CDH18: variants seen among roughly 807,000 people sequenced by gnomAD.
CDH18 encodes the protein cadherin-18.
In CDH18, 31 loss-of-function variants were observed where a neutral mutation model predicts 67.9. That is an observed-to-expected ratio of 0.46 (90% CI 0.34 to 0.62). CDH18 has a LOEUF of 0.62. Among genes scored for constraint, CDH18 ranks in the 20% least tolerant of loss-of-function variants. The pLI is 0.01. For missense variants in CDH18, 890 were observed against 975.5 expected, an observed-to-expected ratio of 0.91 and a Z score of 1.17; for synonymous variants, 362 against 347.2, an observed-to-expected ratio of 1.04 and a Z score of -0.48.
intron 9 of CDH18, among the ~76,000 whole-genome samples, chr5:19,534,049 A>G (rs1344843291): frequency 6.6e-6 from 1 of 152,178 alleles, no homozygotes; most frequent in Non-Finnish European, 1.5e-5. Context: ...CAATTAATAA[A>G]TCATCAAATG....
intron 5 of CDH18, among the ~76,000 whole-genome samples, chr5:19,634,958 A>G (rs1167256514): frequency 2.0e-5 from 3 of 150,408 alleles, no homozygotes; most frequent in African/African-American, 7.3e-5. Flanking sequence ...AAAAAGAAAG[A>G]AAAAAAAGAA....
intron 1 of CDH18, among the ~76,000 whole-genome samples, chr5:20,410,881 A>C (rs1052326745): frequency 2.0e-5 from 3 of 151,854 alleles, no homozygotes; most frequent in Non-Finnish European, 4.4e-5. Context: ...AATACTTAAG[A>C]ATAAAGTTAA....
intron 10 of CDH18, among the ~76,000 whole-genome samples, chr5:19,508,092 TCTGA>T (rs1744509787): frequency 6.6e-6 from 1 of 151,944 alleles, no homozygotes; most frequent in East Asian, 1.9e-4. Context: ...AGAATGTCAG[TCTGA>T]CTTTGTCCAA....
At chr5:19,811,531 G>T (rs1019791567) in intron 3 of CDH18, among the ~76,000 whole-genome samples, 9 of 150,028 alleles carry the variant, frequency 6.0e-5, no homozygotes, top group African/African-American at 1.7e-4. Context: ...CCCAAACCGT[G>T]AGACAATAAT....
At chr5:20,292,769 G>C (rs909847397) in intron 1 of CDH18, among the ~76,000 whole-genome samples, 19 of 151,996 alleles carry the variant, frequency 1.3e-4, no homozygotes, top group Admixed American at 3.3e-4. Flanking sequence ...TCATCACATG[G>C]CATTCTTCTT....
chr5:19,682,671 CT>C (rs1238768571), intron 5 of CDH18, among the ~76,000 whole-genome samples: 2 of 152,050 alleles, frequency 1.3e-5, no homozygotes, highest in African/African-American at 4.8e-5. Flanking sequence ...TGTTGTTGGT[CT>C]TTTCAATTCT....
At chr5:19,795,615 C>G (rs1369696616) in intron 3 of CDH18, among the ~76,000 whole-genome samples, 4 of 152,078 alleles carry the variant, frequency 2.6e-5, no homozygotes, top group Non-Finnish European at 4.4e-5. Context: ...TTAAAATAGA[C>G]TTTAACAAGA....
intron 2 of CDH18, among the ~76,000 whole-genome samples, chr5:19,854,647 G>A (rs1490968398): frequency 6.6e-6 from 1 of 152,060 alleles, no homozygotes. Context: ...GGATTACAGT[G>A]GGTCCATGTA....
At chr5:20,003,166 G>GT (rs1219039049) in intron 2 of CDH18, among the ~76,000 whole-genome samples, 1 of 152,114 alleles carries the variant, frequency 6.6e-6, no homozygotes, top group Non-Finnish European at 1.5e-5. Context: ...ATTAAAACCA[G>GT]TTAGGAGAGT....
chr5:19,956,029 C>T (rs1335511524), intron 2 of CDH18, among the ~76,000 whole-genome samples: 1 of 151,946 alleles, frequency 6.6e-6, no homozygotes, highest in Non-Finnish European at 1.5e-5. Flanking sequence ...AAGGGGCTAC[C>T]TTAGAACAAC....
chr5:20,176,809 G>C (rs111593403), intron 2 of CDH18, among the ~76,000 whole-genome samples: 2 of 152,022 alleles, frequency 1.3e-5, no homozygotes, highest in African/African-American at 4.8e-5. Flanking sequence ...AGTTTAGAAG[G>C]ACCCTATCTC....
intron 2 of CDH18, among the ~76,000 whole-genome samples, chr5:20,139,397 T>C (rs961652778): frequency 2.6e-5 from 4 of 152,168 alleles, no homozygotes; most frequent in Non-Finnish European, 4.4e-5. Context: ...ATTCAGGACA[T>C]AGGCATGGGC....
chr5:20,549,879 A>G (rs1757539643), intron 1 of CDH18, among the ~76,000 whole-genome samples: 2 of 152,176 alleles, frequency 1.3e-5, no homozygotes. Context: ...ACTTCTTTTC[A>G]AAGAAAAGTA....
chr5:19,920,938 G>A (rs1037124754), intron 2 of CDH18, among the ~76,000 whole-genome samples: 1 of 139,200 alleles, frequency 7.2e-6, no homozygotes. Context: ...CAGGGGGATA[G>A]AGTACATGAT....
intron 5 of CDH18, among the ~76,000 whole-genome samples, chr5:19,674,934 T>C (rs1759258615): frequency 6.6e-6 from 1 of 152,030 alleles, no homozygotes; most frequent in Non-Finnish European, 1.5e-5. Context: ...TCACGGGAAA[T>C]TCAGCCCCCA....
At chr5:20,307,104 G>A (rs1027571231) in intron 1 of CDH18, among the ~76,000 whole-genome samples, 10 of 152,124 alleles carry the variant, frequency 6.6e-5, no homozygotes, top group Non-Finnish European at 1.5e-4. Flanking sequence ...GCTTAGATGG[G>A]ATAAATTATA....
At chr5:20,163,013 C>T (rs961397336) in intron 2 of CDH18, among the ~76,000 whole-genome samples, 5 of 151,944 alleles carry the variant, frequency 3.3e-5, no homozygotes, top group Non-Finnish European at 7.4e-5. Context: ...GAGCTGAGAT[C>T]GCGCCAGTGC....
At chr5:19,792,685 C>T (rs1001178090) in intron 3 of CDH18, among the ~76,000 whole-genome samples, 2 of 152,030 alleles carry the variant, frequency 1.3e-5, no homozygotes, top group African/African-American at 4.8e-5. Context: ...TGTCATTGCA[C>T]CAAAGCAATC....
chr5:20,521,369 C>G (rs1467356327), intron 1 of CDH18, among the ~76,000 whole-genome samples: 2 of 152,096 alleles, frequency 1.3e-5, no homozygotes, highest in Non-Finnish European at 2.9e-5. Flanking sequence ...CAAAGTGTTT[C>G]AGAAGAAGAA....
Sources: gnomAD v4.1 joint callset for allele counts (sites outside exome capture counted in the v4.1 genomes callset) on GRCh38, gnomAD v4.1.1 for gene constraint, MANE v1.5 for transcripts, NCBI Gene and HGNC (gene_info 2026-07-23, HGNC 2026-07-21) for gene names.